CENPP: variants seen among roughly 807,000 people sequenced by gnomAD.
CENPP encodes centromere protein P.
A neutral mutation model predicts 35.6 loss-of-function variants in CENPP; 24 were observed. The observed-to-expected ratio is 0.67, with a 90% CI of 0.49 to 0.95. The LOEUF (loss-of-function observed/expected upper bound fraction) is 0.95, where lower values mean the gene tolerates loss of function less well. CENPP is among the 40% of genes least tolerant of loss of function. CENPP has a pLI of 0.00. For missense variants in CENPP, 332 were observed against 345.3 expected (o/e 0.96, Z 0.31); for synonymous variants, 120 against 125.5 (o/e 0.96, Z 0.29).
chr9:92,579,123 T>A (rs1280111452), intron 5 of CENPP, among the ~76,000 whole-genome samples: 37 of 150,490 alleles, frequency 2.5e-4, no homozygotes, highest in African/African-American at 9.0e-4. Context: ...ATATGCAGCA[T>A]TATTTCTGAG....
intron 5 of CENPP, chr9:92,389,946 G>C (rs746882470): frequency 6.2e-7 from 1 of 1,612,314 alleles, no homozygotes; most frequent in Non-Finnish European, 8.5e-7. Flanking sequence ...GGAAGTTTTA[G>C]TAGTTGATTT....
At chr9:92,514,721 G>A in intron 5 of CENPP, 1 of 1,607,866 alleles carries the variant, frequency 6.2e-7, no homozygotes, top group African/African-American at 1.3e-5. Flanking sequence ...CTGTAGGACA[G>A]AGAGCACCCG....
intron 5 of CENPP, among the ~76,000 whole-genome samples, chr9:92,453,349 C>T (rs1461087441): frequency 1.1e-4 from 17 of 152,222 alleles, no homozygotes; most frequent in South Asian, 6.2e-4. Flanking sequence ...GCCTTCATTT[C>T]GTTATGTACC....
chr9:92,437,648 G>T (rs1230273496), intron 5 of CENPP, among the ~76,000 whole-genome samples: 1 of 152,180 alleles, frequency 6.6e-6, no homozygotes, highest in South Asian at 2.1e-4. Context: ...GGGCTTAAGC[G>T]ATCCACTCTG....
In CENPP at chr9:92,616,269, G is replaced by C. The variant is rs967841327; in HGVS notation, c.*3120G>C. On this transcript the variant is annotated 3_prime_UTR_variant, in exon 8 of 8. Transcript: ENST00000375587. ...CACTCGTTCTGTGCACCTGTGATCT[G>C]TGCGTGTGACAGCTGTCTGTGCCGG... 1 of 508,834 alleles carries C rather than the reference G, an allele frequency of 2.0e-6. No homozygotes were observed. Among genetic ancestry groups the C allele is most frequent in the African/African-American group, 1.9e-5 (1 of 51,894 alleles). 31.5% of individuals were successfully genotyped at this position (508,834 alleles called of 1,614,324 possible).
rs371366367 is a variant in CENPP, at chr9:92,473,261, C to T, written c.564+93402C>T. Among the ~76,000 whole-genome samples the T allele has an allele frequency of 5.7e-4, 86 of 152,190 alleles. 1 individual carries two copies. Among genetic ancestry groups the T allele is most frequent in the Middle Eastern group, 6.8e-3 (2 of 294 alleles). ...TGTTGGAAGCATATGACTGCTCTGC[C>T]GTGGCACATATGGAGGCCAGCACGT... On this transcript the variant is annotated intron_variant, in intron 5 of 7. Coordinates refer to ENST00000375587, the MANE Select transcript of CENPP (RefSeq NM_001012267.3).
intron 5 of CENPP, chr9:92,416,726 T>G (rs768816754): frequency 1.9e-6 from 3 of 1,613,658 alleles, no homozygotes; most frequent in Non-Finnish European, 2.5e-6. Flanking sequence ...GTTGGGAAGA[T>G]TAAAAATATT....
intron 5 of CENPP, chr9:92,474,685 C>G (rs1168455754): frequency 6.2e-7 from 1 of 1,613,818 alleles, no homozygotes; most frequent in Non-Finnish European, 8.5e-7. Context: ...ACATTGGAAA[C>G]AGATCAAATG....
chr9:92,385,560 A>G, intron 5 of CENPP: 4 of 1,432,028 alleles, frequency 2.8e-6, no homozygotes, highest in Non-Finnish European at 3.9e-6. Flanking sequence ...TCCTTTACTC[A>G]TTGTTGAGAC....
intron 5 of CENPP, among the ~76,000 whole-genome samples, chr9:92,557,625 C>G (rs183532523): frequency 1.3e-5 from 2 of 152,068 alleles, no homozygotes; most frequent in Admixed American, 6.6e-5. Context: ...CTGAGACTTT[C>G]CAGAGCATTT....
At chr9:92,416,994 T>G in intron 5 of CENPP, 7 of 1,613,950 alleles carry the variant, frequency 4.3e-6, no homozygotes, top group Non-Finnish European at 5.9e-6. Flanking sequence ...TCAAGCATGG[T>G]CAAGTTTACT....
At chr9:92,441,585 T>C (rs1315035760) in intron 5 of CENPP, among the ~76,000 whole-genome samples, 1 of 151,746 alleles carries the variant, frequency 6.6e-6, no homozygotes. Flanking sequence ...ATAACAAGAC[T>C]CCACCTCTAC....
At chr9:92,524,750 C>A (rs2131254134) in intron 5 of CENPP, among the ~76,000 whole-genome samples, 1 of 152,244 alleles carries the variant, frequency 6.6e-6, no homozygotes, top group East Asian at 1.9e-4. Flanking sequence ...CCGCTGTTAT[C>A]TTTTTAATGG....
chr9:92,495,240 A>G (rs567032998), intron 5 of CENPP: 34 of 650,430 alleles, frequency 5.2e-5, no homozygotes, highest in Non-Finnish European at 6.5e-5. Flanking sequence ...CATAAAACTG[A>G]GAGTAACAAA....
At chr9:92,433,477 T>C (rs1200402684) in intron 5 of CENPP, among the ~76,000 whole-genome samples, 1 of 152,158 alleles carries the variant, frequency 6.6e-6, no homozygotes, top group Non-Finnish European at 1.5e-5. Flanking sequence ...TTTTTTCTTC[T>C]CTAATGTGGG....
chr9:92,515,604 T>C (rs1192892910), intron 5 of CENPP, among the ~76,000 whole-genome samples: 1 of 152,244 alleles, frequency 6.6e-6, no homozygotes, highest in Non-Finnish European at 1.5e-5. Flanking sequence ...ACTGGGGCTA[T>C]TGCTAATGTG....
chr9:92,517,422 A>G, intron 5 of CENPP: 1 of 588,858 alleles, frequency 1.7e-6, no homozygotes, highest in Non-Finnish European at 3.0e-6. Context: ...CCATATCTCT[A>G]AAGCTGAGAG....
intron 5 of CENPP, among the ~76,000 whole-genome samples, chr9:92,516,338 C>G (rs548435029): frequency 4.6e-5 from 7 of 152,290 alleles, no homozygotes; most frequent in African/African-American, 1.7e-4. Flanking sequence ...GCTGGGATTA[C>G]AGGTGTGAGC....
chr9:92,455,837 A>G (rs1272152672), intron 5 of CENPP, among the ~76,000 whole-genome samples: 1 of 152,120 alleles, frequency 6.6e-6, no homozygotes, highest in African/African-American at 2.4e-5. Flanking sequence ...TTTGGGAGGC[A>G]GAGGCGGGCA....
Sources: gnomAD v4.1 joint callset for allele counts (sites outside exome capture counted in the v4.1 genomes callset) on GRCh38, gnomAD v4.1.1 for gene constraint, MANE v1.5 for transcripts, NCBI Gene and HGNC (gene_info 2026-07-23, HGNC 2026-07-21) for gene names.